Variants in ZXDC observed in about 807,000 individuals in gnomAD.
The protein encoded by ZXDC is zinc finger protein ZXDC.
Under a neutral mutation model 63.6 loss-of-function variants are expected in ZXDC, and 58 were observed. That is an observed-to-expected ratio of 0.91 (90% CI 0.74 to 1.13). ZXDC has a LOEUF of 1.13. ZXDC is among the 50% of genes most tolerant of loss of function. The pLI, the probability that ZXDC is intolerant of heterozygous loss-of-function variation, is 0.00. For synonymous variants in ZXDC, 561 were observed against 496.1 expected, an observed-to-expected ratio of 1.13 and a Z score of -1.74; for missense variants, 1,133 against 1,148.9, an observed-to-expected ratio of 0.99 and a Z score of 0.20.
intron 6 of ZXDC, chr3:126,461,306 A>T: frequency 7.4e-7 from 1 of 1,349,696 alleles, no homozygotes; most frequent in Non-Finnish European, 9.5e-7. Context: ...CTCAGAAAGC[A>T]TTTAGCCAAA....
intron 7 of ZXDC, chr3:126,453,322 C>CCAT (rs1277164714): frequency 3.0e-6 from 3 of 985,208 alleles, no homozygotes; most frequent in East Asian, 1.1e-4. Context: ...GGCCTAGGGG[C>CCAT]CATATCCCCT....
At chr3:126,448,779 C>A (rs1345953411) in intron 7 of ZXDC, among the ~76,000 whole-genome samples, 3 of 152,248 alleles carry the variant, frequency 2.0e-5, no homozygotes, top group Non-Finnish European at 4.4e-5. Context: ...CGCCATGAAA[C>A]TCCCACGGAA....
At chr3:126,457,605 A>G (rs745347043) in intron 7 of ZXDC, 60 of 985,322 alleles carry the variant, frequency 6.1e-5, no homozygotes, top group Non-Finnish European at 7.2e-5. Context: ...TACTCTGACC[A>G]TCACTGCAGG....
At chr3:126,472,106 G>A (rs2107659646) in intron 2 of ZXDC, 47 bp downstream of exon 2, 1 of 1,609,234 alleles carries the variant, frequency 6.2e-7, no homozygotes, top group East Asian at 2.2e-5. Context: ...CAGCTACGAT[G>A]AAGACAAATC....
chr3:126,459,902 C>T (rs1057035564), intron 6 of ZXDC, 165 bp from the exon 7 acceptor site: 10 of 985,322 alleles, frequency 1.0e-5, no homozygotes, highest in East Asian at 2.3e-4. Flanking sequence ...CCACTTGTGG[C>T]GAGGGCCGAA....
In ZXDC at chr3:126,462,050, G is replaced by T; in HGVS notation, c.1612C>A (p.Leu538Met). The stretch of plus-strand genomic sequence containing the variant: ...CTCACAGAAGTGACGTCAATAGTCA[G>T]GATTCCGGAGTTCAGAGCCTCATCC... ...GSDEALNSGI[L>M]TIDVTSVSSS... Residue 538 changes from leucine (L) to methionine (M), a missense_variant, in exon 6 of 10, where the codon CTG becomes ATG. Physicochemically the swap from Leu to Met is conservative, Grantham distance 15. Transcript: ENST00000389709. 6.2e-7 allele frequency: 1 copy of T among 1,614,130 alleles called. No individual in the cohort carries two copies. Among genetic ancestry groups the T allele is most frequent in the African/African-American group, 1.3e-5 (1 of 75,036 alleles).
rs1300702511 is a variant in ZXDC at position 126,475,182 on chromosome 3, G to A, written c.684C>T (p.His228=). The A allele has an allele frequency of 1.3e-6, 2 of 1,597,054 alleles. No homozygotes were observed. The highest frequency in any genetic ancestry group is 1.3e-5 in the African/African-American group (1 of 74,670). The part of the protein sequence containing the change: ...AFTTSYKLKR[H]LQSHDKLRPF... ...GCCGCAGCTTGTCGTGCGACTGCAG[G>A]TGCCGCTTGAGCTTGTAGGACGTTG... Residue 228 remains histidine (H), a synonymous_variant, in exon 1 of 10, where the codon CAC becomes CAT. Coordinates refer to ENST00000389709, the MANE Select transcript of ZXDC (RefSeq NM_025112.5).
intron 8 of ZXDC, 60 bp downstream of exon 8, chr3:126,441,705 A>C (rs1354404181): frequency 2.1e-5 from 32 of 1,505,946 alleles, no homozygotes; most frequent in Non-Finnish European, 3.5e-6. Context: ...CACACTGCTC[A>C]GACCTGCGTG....
At chr3:126,469,093 G>A (rs1369480538) in intron 4 of ZXDC, among the ~76,000 whole-genome samples, 1 of 152,202 alleles carries the variant, frequency 6.6e-6, no homozygotes, top group Non-Finnish European at 1.5e-5. Context: ...ATAAGGAAGA[G>A]GCACAGAGAG....
chr3:126,462,627 G>C (rs188039864), intron 5 of ZXDC, among the ~76,000 whole-genome samples: 5 of 152,266 alleles, frequency 3.3e-5, no homozygotes, highest in African/African-American at 1.2e-4. Flanking sequence ...GGTGCCACCG[G>C]AGCTGCCCGA....
chr3:126,447,614 G>T (rs1933929148), intron 7 of ZXDC, among the ~76,000 whole-genome samples: 1 of 152,162 alleles, frequency 6.6e-6, no homozygotes, highest in African/African-American at 2.4e-5. Flanking sequence ...CCAGCTTTGG[G>T]GGGATGCCAA....
At chr3:126,452,047 A>G (rs1182451203) in intron 7 of ZXDC, 10 of 985,038 alleles carry the variant, frequency 1.0e-5, no homozygotes, top group Middle Eastern at 5.2e-4. Context: ...TTTTTTCCCT[A>G]AAAGGCCAGC....
intron 5 of ZXDC, among the ~76,000 whole-genome samples, chr3:126,465,598 G>A (rs1169622996): frequency 2.6e-5 from 4 of 152,344 alleles, no homozygotes; most frequent in African/African-American, 9.6e-5. Context: ...CACAGGCTTA[G>A]GGGACATATG....
intron 5 of ZXDC, among the ~76,000 whole-genome samples, chr3:126,463,729 TTC>T (rs1428761296): frequency 1.3e-5 from 2 of 152,216 alleles, no homozygotes; most frequent in Admixed American, 6.5e-5. Context: ...CTGCTCTCGG[TTC>T]TCTGATCCTA....
chr3:126,453,072 CAG>C, intron 7 of ZXDC: 1 of 985,396 alleles, frequency 1.0e-6, no homozygotes, highest in African/African-American at 1.7e-5. Flanking sequence ...CTGTTTTCCA[CAG>C]AGCTTTGGAG....
intron 5 of ZXDC, among the ~76,000 whole-genome samples, chr3:126,462,635 C>T (rs768114629): frequency 6.6e-6 from 1 of 152,158 alleles, no homozygotes; most frequent in Non-Finnish European, 1.5e-5. Flanking sequence ...CGGAGCTGCC[C>T]GAGAGGACTG....
intron 3 of ZXDC, among the ~76,000 whole-genome samples, 160 bp from the exon 4 acceptor site, chr3:126,471,185 T>C (rs1286952353): frequency 2.0e-5 from 3 of 152,230 alleles, no homozygotes; most frequent in African/African-American, 7.2e-5. Context: ...GTGAGCAGAT[T>C]TGCAATTTAG....
At chr3:126,451,840 C>T (rs893888083) in intron 7 of ZXDC, 3 of 985,318 alleles carry the variant, frequency 3.0e-6, no homozygotes. Flanking sequence ...CTTGGGGCCT[C>T]AGTGGCACCC....
chr3:126,449,270 A>G (rs1576667156), intron 7 of ZXDC, among the ~76,000 whole-genome samples: 1 of 152,238 alleles, frequency 6.6e-6, no homozygotes, highest in African/African-American at 2.4e-5. Context: ...TATGTTGCCC[A>G]GGCTGGACTT....
Sources: allele counts gnomAD v4.1 joint callset (sites outside exome capture counted in the v4.1 genomes callset), GRCh38; gene constraint gnomAD v4.1.1; transcripts MANE v1.5; gene names NCBI Gene and HGNC (gene_info 2026-07-23, HGNC 2026-07-21).